FOXK1: variants seen among roughly 807,000 people sequenced by gnomAD.
FOXK1 encodes the protein forkhead box protein K1.
A neutral mutation model predicts 51.9 loss-of-function variants in FOXK1; 19 were observed. That is an observed-to-expected ratio of 0.37 (90% CI 0.26 to 0.54). The LOEUF is 0.54. Ranked by LOEUF, FOXK1 falls within the 20% of genes least tolerant of loss-of-function variation. The pLI, the probability that FOXK1 is intolerant of heterozygous loss-of-function variation, is 0.87. For synonymous variants in FOXK1, 537 were observed against 482.6 expected (o/e 1.11, Z -1.48); for missense variants, 870 against 1,032.7 (o/e 0.84, Z 2.16).
At chr7:4,737,477 T>G (rs1324262471) in intron 1 of FOXK1, among the ~76,000 whole-genome samples, 1 of 151,694 alleles carries the variant, frequency 6.6e-6, no homozygotes, top group African/African-American at 2.4e-5. Context: ...TGTGTGTGCG[T>G]GGGTGTGGGC....
Position 4,707,574 on chromosome 7 carries a change from G to A in FOXK1, c.560+24706G>A, listed in dbSNP as rs573651562. 3.9e-5 allele frequency among the ~76,000 whole-genome samples: 6 copies of A among 152,208 alleles called. No individual in the cohort carries two copies. The highest frequency in any genetic ancestry group is 2.0e-4 in the Admixed American group (3 of 15,280). ...TGGGAGTCGGTGAATTGTCTCTTAC[G>A]CCTTCCTTTCCGGGTTTTCCTGGAG... is the stretch of plus-strand genomic sequence containing the variant. On this transcript the variant is annotated intron_variant, in intron 1 of 8. Transcript: ENST00000328914. This position sits in a 1 kb window ranked among gnomAD's most constrained non-coding sequence, Gnocchi z 4.1.
chr7:4,700,424 C>A (rs971694858), intron 1 of FOXK1, among the ~76,000 whole-genome samples: 2 of 152,204 alleles, frequency 1.3e-5, no homozygotes, highest in East Asian at 1.9e-4. Context: ...AGTGGATTGA[C>A]CCCGAGCTCC....
At chr7:4,726,641 C>T in intron 1 of FOXK1, among the ~76,000 whole-genome samples, 1 of 151,982 alleles carries the variant, frequency 6.6e-6, no homozygotes, top group East Asian at 1.9e-4. Flanking sequence ...AAAACCGTGC[C>T]TGGGCCTTGG....
rs1257217172 is a variant in FOXK1 at position 4,703,399 on chromosome 7, TG to T, written c.560+20533del. On this transcript the variant is annotated intron_variant, in intron 1 of 8. Transcript: ENST00000328914. This position sits in a 1 kb window ranked among gnomAD's most constrained non-coding sequence, Gnocchi z 5.6. The stretch of plus-strand genomic sequence containing the variant: ...TGGGAGGACAACTCGCTGAAGTTCG[TG>T]GCCCCAAGACATGCGGAGAACCCGC... Among the ~76,000 whole-genome samples, 1 of 152,122 alleles carries T rather than the reference TG, an allele frequency of 6.6e-6. No homozygotes were observed. Among genetic ancestry groups the T allele is most frequent in the Non-Finnish European group, 1.5e-5 (1 of 68,010 alleles).
chr7:4,743,362 C>T lies in FOXK1; in HGVS notation c.746+2339C>T, dbSNP rs917517167. Among the ~76,000 whole-genome samples, 1 of 152,124 alleles carries T rather than the reference C, an allele frequency of 6.6e-6. No individual in the cohort carries two copies. Among genetic ancestry groups the T allele is most frequent in the Non-Finnish European group, 1.5e-5 (1 of 68,032 alleles). On this transcript the variant is annotated intron_variant, in intron 2 of 8. Coordinates refer to ENST00000328914, the MANE Select transcript of FOXK1 (RefSeq NM_001037165.2). The surrounding 1 kb of genome is among the most constrained non-coding windows in gnomAD (Gnocchi z 5.3). ...GAAGCCAGTTCGAGATCAGCCTGGG[C>T]AACATGGTGAAACCCCGTCTCTACT... is the stretch of plus-strand genomic sequence containing the variant.
In FOXK1 at chr7:4,734,401, C is replaced by T. The variant is rs1277806150; in HGVS notation, c.561-6437C>T. 6.6e-6 allele frequency among the ~76,000 whole-genome samples: 1 copy of T among 152,154 alleles called. No homozygotes were observed. Among genetic ancestry groups the T allele is most frequent in the South Asian group, 2.1e-4 (1 of 4,824 alleles). ...GGCCTTGGTGGGCAGGTGCAGGGCC[C>T]GCTCCCTCCTTGGGAGGATGAGATG... On this transcript the variant is annotated intron_variant, in intron 1 of 8. Transcript: ENST00000328914. This position sits in a 1 kb window ranked among gnomAD's most constrained non-coding sequence, Gnocchi z 5.2.
intron 1 of FOXK1, among the ~76,000 whole-genome samples, chr7:4,701,184 C>T (rs1780016682): frequency 6.6e-6 from 1 of 152,200 alleles, no homozygotes; most frequent in African/African-American, 2.4e-5. Context: ...ACGATCAGAG[C>T]TAAACAGCAG....
At chr7:4,712,408 C>T (rs1315342947) in intron 1 of FOXK1, among the ~76,000 whole-genome samples, 3 of 152,042 alleles carry the variant, frequency 2.0e-5, no homozygotes, top group Admixed American at 6.6e-5. Flanking sequence ...GTGAAGGCTC[C>T]GCATTCAGAC....
Position 4,703,475 on chromosome 7 carries a change from G to A in FOXK1, c.560+20607G>A, listed in dbSNP as rs1368743182. Among the ~76,000 whole-genome samples the A allele has an allele frequency of 1.3e-5, 2 of 152,158 alleles. No individual in the cohort carries two copies. Among genetic ancestry groups the A allele is most frequent in the South Asian group, 2.1e-4 (1 of 4,832 alleles). The stretch of plus-strand genomic sequence containing the variant: ...CACAGGGCAGGGTCCTGGTGTCCTC[G>A]CCCCACAAGGCTCCCCCAGGGTGGC... On this transcript the variant is annotated intron_variant, in intron 1 of 8. Transcript: ENST00000328914. This position sits in a 1 kb window ranked among gnomAD's most constrained non-coding sequence, Gnocchi z 5.6.
At chr7:4,704,242 G>T (rs769443012) in intron 1 of FOXK1, among the ~76,000 whole-genome samples, 13 of 152,132 alleles carry the variant, frequency 8.5e-5, no homozygotes, top group Non-Finnish European at 1.3e-4. Flanking sequence ...CTTGAGGTCA[G>T]GAGTTTGAGA....
intron 1 of FOXK1, among the ~76,000 whole-genome samples, chr7:4,705,550 T>TCTCTCTCG (rs1562372665): frequency 3.3e-5 from 5 of 149,378 alleles, no homozygotes; most frequent in African/African-American, 1.3e-4. Flanking sequence ...TCTCTCTCTC[T>TCTCTCTCG]CTCTCTCTCG....
rs200763143 is a variant in FOXK1 at position 4,740,989 on chromosome 7, G to A, written c.712G>A (p.Val238Ile). ...HIPEPDLRSM[V>I]SPVPSPTGTI... is the part of the protein sequence containing the mutation. ...CCCGGAGCCGGACCTCCGGAGCATG[G>A]TCAGCCCCGTCCCCTCCCCGACGGG... Residue 238 changes from valine (V) to isoleucine (I), a missense_variant, in exon 2 of 9, where the codon GTC (valine) becomes ATC (isoleucine). Coordinates refer to ENST00000328914, the MANE Select transcript of FOXK1 (RefSeq NM_001037165.2). The A allele has an allele frequency of 1.3e-6, 2 of 1,555,016 alleles. No homozygotes were observed. Among genetic ancestry groups the A allele is most frequent in the East Asian group, 2.6e-5 (1 of 38,740 alleles).
rs1780818975 is a variant in FOXK1 at position 4,754,623 on chromosome 7, C to T, written c.903+8C>T. On this transcript the variant is annotated splice_region_variant and intron_variant, in intron 3 of 8. Transcript: ENST00000328914. ...GGAGGAGACAGCCCCAAGGTCTGAG[C>T]CCACCTGGCGCCGTGGTGCACCTGG... The T allele has an allele frequency of 1.2e-6, 2 of 1,600,630 alleles. No homozygotes were observed. Among genetic ancestry groups the T allele is most frequent in the Non-Finnish European group, 8.5e-7 (1 of 1,179,114 alleles).
At chr7:4,704,280 G>A (rs1171657972) in intron 1 of FOXK1, among the ~76,000 whole-genome samples, 3 of 151,624 alleles carry the variant, frequency 2.0e-5, no homozygotes, top group East Asian at 1.9e-4. Flanking sequence ...GTAAAACCTC[G>A]TTTCTACTAA....
rs1016617322 is a variant in FOXK1, at chr7:4,733,223, C to T, written c.561-7615C>T. 6.6e-6 allele frequency among the ~76,000 whole-genome samples: 1 copy of T among 151,076 alleles called. No homozygotes were observed. Among genetic ancestry groups the T allele is most frequent in the African/African-American group, 2.4e-5 (1 of 40,994 alleles). Reference sequence around the variant, plus strand: ...TTATTTTTTTATTTCAAGCTGGGTTCTTGCTGTGTTGCCCAGGCTGGTTTC... The same window carrying T: ...TTATTTTTTTATTTCAAGCTGGGTTTTTGCTGTGTTGCCCAGGCTGGTTTC... On this transcript the variant is annotated intron_variant, in intron 1 of 8. Coordinates refer to ENST00000328914, the MANE Select transcript of FOXK1 (RefSeq NM_001037165.2). This position sits in a 1 kb window ranked among gnomAD's most constrained non-coding sequence, Gnocchi z 5.0.
In FOXK1 at chr7:4,768,791, T is replaced by G. The variant is rs1781054478; in HGVS notation, c.*6327T>G. ...AGGATTCGTCTCTGACTGATGAACC[T>G]CGCCGTGCCTGTCTGTCACATCCAA... On this transcript the variant is annotated 3_prime_UTR_variant, in exon 9 of 9. Coordinates refer to ENST00000328914, the MANE Select transcript of FOXK1 (RefSeq NM_001037165.2). The G allele has an allele frequency of 6.6e-6, 1 of 152,224 alleles. No homozygotes were observed. Among genetic ancestry groups the G allele is most frequent in the South Asian group, 2.1e-4 (1 of 4,818 alleles). 9.4% of individuals were successfully genotyped at this position (152,224 alleles called of 1,614,324 possible). A position where few individuals can be genotyped will look rare whatever the true frequency, so the allele number is the denominator to read the frequency against.
intron 1 of FOXK1, among the ~76,000 whole-genome samples, chr7:4,740,610 A>AAAAAT (rs532991860): frequency 3.7e-4 from 56 of 152,172 alleles, no homozygotes; most frequent in African/African-American, 1.1e-3. Flanking sequence ...CTCCCTCTCA[A>AAAAAT]AAAATAAAAT....
intron 2 of FOXK1, among the ~76,000 whole-genome samples, chr7:4,751,003 C>A (rs1401454568): frequency 6.7e-6 from 1 of 149,498 alleles, no homozygotes; most frequent in African/African-American, 2.5e-5. Context: ...CCGTGCCTGG[C>A]CTTCAGCACT....
intron 1 of FOXK1, among the ~76,000 whole-genome samples, chr7:4,706,274 C>T (rs1421973161): frequency 2.6e-5 from 4 of 152,074 alleles, no homozygotes; most frequent in Non-Finnish European, 5.9e-5. Context: ...TGATCAGAAT[C>T]ACAACTGGTT....
Sources: gnomAD v4.1 joint callset for allele counts (sites outside exome capture counted in the v4.1 genomes callset) on GRCh38, gnomAD v4.1.1 for gene constraint, Gnocchi (gnomAD v3.1) non-coding constraint, MANE v1.5 for transcripts, NCBI Gene and HGNC (gene_info 2026-07-23, HGNC 2026-07-21) for gene names.